EPHA6: variants seen among roughly 807,000 people sequenced by gnomAD.
The protein encoded by EPHA6 is EPH receptor A6.
In EPHA6, 50 loss-of-function variants were observed where a neutral mutation model predicts 112.0. That is an observed-to-expected ratio of 0.45 (90% CI 0.36 to 0.56). The LOEUF (loss-of-function observed/expected upper bound fraction) is 0.56, where lower values mean the gene tolerates loss of function less well. Among genes scored for constraint, EPHA6 ranks in the 20% least tolerant of loss-of-function variants. The pLI is 0.00. For missense variants in EPHA6, 1,280 were observed against 1,417.4 expected (o/e 0.90, Z 1.56); for synonymous variants, 529 against 490.7 (o/e 1.08, Z -1.03).
At chr3:97,179,770 C>G (rs2076938320) in intron 3 of EPHA6, among the ~76,000 whole-genome samples, 1 of 137,126 alleles carries the variant, frequency 7.3e-6, no homozygotes, top group South Asian at 2.2e-4. Context: ...TCCTGAACCA[C>G]TTAAAGCTGG....
At chr3:97,536,805 G>A (rs544465257) in intron 11 of EPHA6, among the ~76,000 whole-genome samples, 1 of 152,010 alleles carries the variant, frequency 6.6e-6, no homozygotes, top group African/African-American at 2.4e-5. Context: ...TGCTCTACCT[G>A]GTTATATTTG....
chr3:96,988,298 C>A (rs1362067365), intron 3 of EPHA6, among the ~76,000 whole-genome samples: 1 of 152,066 alleles, frequency 6.6e-6, no homozygotes, highest in Non-Finnish European at 1.5e-5. Context: ...AAGAAAATTT[C>A]TGTCATTTTT....
rs950423850 is a variant in EPHA6 at position 97,760,881 on chromosome 3, T to C, written c.*12180T>C. The stretch of plus-strand genomic sequence containing the variant: ...TTGTCATGAAGCTATTTATTATTAA[T>C]TAAGGATTTAACTCTGTACCCATCT... On this transcript the variant is annotated 3_prime_UTR_variant, in exon 18 of 18. Transcript: ENST00000389672. 1 of 189,208 alleles carries C rather than the reference T, an allele frequency of 5.3e-6. No individual in the cohort carries two copies. The highest frequency in any genetic ancestry group is 1.1e-5 in the Non-Finnish European group (1 of 89,924). 11.7% of individuals were successfully genotyped at this position (189,208 alleles called of 1,614,324 possible).
chr3:97,641,653 C>T (rs1218420632), intron 14 of EPHA6, among the ~76,000 whole-genome samples: 1 of 152,228 alleles, frequency 6.6e-6, no homozygotes, highest in Non-Finnish European at 1.5e-5. Flanking sequence ...TCGGAGTTCC[C>T]TTTCTGAGTC....
intron 14 of EPHA6, among the ~76,000 whole-genome samples, chr3:97,675,017 A>G (rs2031227712): frequency 6.6e-6 from 1 of 152,180 alleles, no homozygotes; most frequent in Non-Finnish European, 1.5e-5. Flanking sequence ...GATGAAAATA[A>G]CATCTAAGGG....
chr3:96,960,879 G>GAC (rs1438617743), intron 2 of EPHA6, among the ~76,000 whole-genome samples: 1 of 152,184 alleles, frequency 6.6e-6, no homozygotes, highest in East Asian at 1.9e-4. Flanking sequence ...CATATCAATC[G>GAC]ACTCTGTTTT....
intron 14 of EPHA6, among the ~76,000 whole-genome samples, chr3:97,694,393 T>C (rs758255149): frequency 6.6e-6 from 1 of 152,122 alleles, no homozygotes; most frequent in African/African-American, 2.4e-5. Context: ...CCAGCCACCA[T>C]GGCCGGCTAA....
At chr3:97,282,799 A>G (rs1311239586) in intron 5 of EPHA6, among the ~76,000 whole-genome samples, 1 of 152,210 alleles carries the variant, frequency 6.6e-6, no homozygotes, top group Non-Finnish European at 1.5e-5. Context: ...CAACACATGG[A>G]CACAGGGAGG....
At chr3:97,032,551 G>A (rs2044906194) in intron 3 of EPHA6, among the ~76,000 whole-genome samples, 1 of 152,038 alleles carries the variant, frequency 6.6e-6, no homozygotes, top group Non-Finnish European at 1.5e-5. Flanking sequence ...ATCCACACAT[G>A]AAGGTCACAA....
At chr3:97,689,632 G>A (rs182280068) in intron 14 of EPHA6, among the ~76,000 whole-genome samples, 126 of 152,160 alleles carry the variant, frequency 8.3e-4, no homozygotes, top group Non-Finnish European at 1.4e-3. Context: ...TGTTTTTAAC[G>A]ACAATTAAGA....
At chr3:96,867,428 T>C (rs573244065) in intron 2 of EPHA6, among the ~76,000 whole-genome samples, 3 of 151,962 alleles carry the variant, frequency 2.0e-5, no homozygotes, top group East Asian at 1.9e-4. Context: ...TTGCAAAATA[T>C]AGTTTTTCAT....
At chr3:96,962,782 G>T (rs1364966739) in intron 2 of EPHA6, among the ~76,000 whole-genome samples, 1 of 151,746 alleles carries the variant, frequency 6.6e-6, no homozygotes, top group South Asian at 2.1e-4. Context: ...ATCCCATTTA[G>T]TAATTCATCA....
At chr3:96,819,172 G>A (rs2033049408) in intron 1 of EPHA6, among the ~76,000 whole-genome samples, 1 of 151,896 alleles carries the variant, frequency 6.6e-6, no homozygotes, top group South Asian at 2.1e-4. Context: ...AGTTAATTTA[G>A]TATTCATGAC....
intron 14 of EPHA6, among the ~76,000 whole-genome samples, chr3:97,639,137 A>G (rs1390063233): frequency 6.6e-6 from 1 of 152,080 alleles, no homozygotes; most frequent in African/African-American, 2.4e-5. Flanking sequence ...ACAAAGAAAT[A>G]TAGTTCTAAG....
At chr3:97,716,574 C>CAAAAAAAAAA (rs1218426459) in intron 14 of EPHA6, among the ~76,000 whole-genome samples, 3 of 37,256 alleles carry the variant, frequency 8.1e-5, no homozygotes, top group African/African-American at 3.4e-4. Flanking sequence ...GACTCCGTCT[C>CAAAAAAAAAA]AAAAAAAAAA....
At chr3:97,173,308 G>C (rs887248880) in intron 3 of EPHA6, among the ~76,000 whole-genome samples, 1 of 151,668 alleles carries the variant, frequency 6.6e-6, no homozygotes, top group Admixed American at 6.6e-5. Flanking sequence ...AAACAAATAC[G>C]AGCTAAAGAA....
intron 3 of EPHA6, among the ~76,000 whole-genome samples, chr3:97,102,458 A>C (rs77625479): frequency 0.014 from 2,077 of 152,210 alleles, 33 homozygotes; most frequent in African/African-American, 0.047. Context: ...GGTTGAAAAA[A>C]TATTCCTAAG....
chr3:97,566,486 A>C (rs1282081078), intron 11 of EPHA6, among the ~76,000 whole-genome samples: 1 of 152,198 alleles, frequency 6.6e-6, no homozygotes, highest in African/African-American at 2.4e-5. Context: ...TAATGCTAGG[A>C]TTGTATGAGT....
intron 1 of EPHA6, among the ~76,000 whole-genome samples, chr3:96,815,581 G>C (rs1447684970): frequency 3.3e-5 from 5 of 152,118 alleles, no homozygotes; most frequent in Non-Finnish European, 7.3e-5. Context: ...CTGTGTAGGG[G>C]TTTCATATTC....
Sources: allele counts gnomAD v4.1 joint callset (sites outside exome capture counted in the v4.1 genomes callset), GRCh38; gene constraint gnomAD v4.1.1; transcripts MANE v1.5; gene names NCBI Gene and HGNC (gene_info 2026-07-23, HGNC 2026-07-21).